DISC1: variants seen among roughly 807,000 people sequenced by gnomAD.
DISC1 encodes disrupted in schizophrenia 1 protein.
In DISC1, 57 loss-of-function variants were observed where a neutral mutation model predicts 84.5. The observed-to-expected ratio is 0.67, with a 90% CI of 0.55 to 0.84. The LOEUF (loss-of-function observed/expected upper bound fraction) is 0.84. Among genes scored for constraint, DISC1 ranks in the 40% least tolerant of loss-of-function variants. The pLI is 0.00. For synonymous variants in DISC1, 411 were observed against 415.2 expected, an observed-to-expected ratio of 0.99 and a Z score of 0.12; for missense variants, 1,000 against 1,057.8, an observed-to-expected ratio of 0.95 and a Z score of 0.76.
intron 9 of DISC1, chr1:231,854,659 A>AGTGT (rs1226302736): frequency 6.3e-6 from 1 of 158,890 alleles, no homozygotes; most frequent in East Asian, 1.8e-4. Flanking sequence ...TGTGGTGTGT[A>AGTGT]GTGTATCACC....
At chr1:231,863,261 G>T (rs2084810663) in intron 9 of DISC1, among the ~76,000 whole-genome samples, 1 of 108,724 alleles carries the variant, frequency 9.2e-6, no homozygotes, top group South Asian at 3.1e-4. Context: ...TTGAGACAGG[G>T]TCTCTGTCGC....
intron 1 of DISC1, among the ~76,000 whole-genome samples, chr1:231,635,534 C>T (rs571535375): frequency 1.3e-5 from 2 of 152,300 alleles, no homozygotes; most frequent in Admixed American, 1.3e-4. Flanking sequence ...CCAATGTAGA[C>T]TTCTTCAACT....
chr1:231,750,036 G>A lies in DISC1; in HGVS notation c.1228G>A (p.Ala410Thr). The A allele has an allele frequency of 6.2e-7, 1 of 1,614,194 alleles. No individual in the cohort carries two copies. Among genetic ancestry groups the A allele is most frequent in the Non-Finnish European group, 8.5e-7 (1 of 1,180,022 alleles). The change falls in exon 4 of 13, where the codon GCA becomes ACA. Residue 410 changes from alanine to threonine, a missense_variant. Coordinates refer to ENST00000439617, the MANE Select transcript of DISC1 (RefSeq NM_018662.3). ...ALSSFLGHLA[A>T]QVQAALRRGA... ...TAGCAGTTTCCTGGGTCACCTGGCAGCACAAGTCCAGGCTGCCTTGCGCCG... is the reference window on the plus strand; with the variant it reads ...TAGCAGTTTCCTGGGTCACCTGGCAACACAAGTCCAGGCTGCCTTGCGCCG...
At chr1:231,851,316 G>A (rs576814595) in intron 9 of DISC1, among the ~76,000 whole-genome samples, 24 of 152,228 alleles carry the variant, frequency 1.6e-4, no homozygotes, top group African/African-American at 5.5e-4. Context: ...GTAATTCGCC[G>A]CCTTTCTCTA....
intron 10 of DISC1, among the ~76,000 whole-genome samples, chr1:231,984,410 G>A (rs1201072708): frequency 1.3e-5 from 2 of 152,078 alleles, no homozygotes; most frequent in Non-Finnish European, 2.9e-5. Context: ...ACAGAAAAGA[G>A]GGGGAAAGTT....
At chr1:231,842,251 C>G (rs2125866150) in intron 9 of DISC1, among the ~76,000 whole-genome samples, 1 of 152,312 alleles carries the variant, frequency 6.6e-6, no homozygotes, top group Admixed American at 6.5e-5. Flanking sequence ...AATCCTCTCA[C>G]CAGTCCTCTC....
At chr1:231,833,063 G>A (rs2082359987) in intron 9 of DISC1, among the ~76,000 whole-genome samples, 1 of 145,676 alleles carries the variant, frequency 6.9e-6, no homozygotes, top group African/African-American at 2.6e-5. Context: ...TAAGGTGGGG[G>A]GATACAAGAG....
chr1:231,679,021 C>CAGG (rs1298605840), intron 1 of DISC1, among the ~76,000 whole-genome samples: 2 of 152,140 alleles, frequency 1.3e-5, no homozygotes, highest in African/African-American at 4.8e-5. Flanking sequence ...GGGATGCTGC[C>CAGG]ATTTGTTTTC....
intron 9 of DISC1, among the ~76,000 whole-genome samples, chr1:231,950,099 G>A (rs922602669): frequency 6.6e-6 from 1 of 152,052 alleles, no homozygotes; most frequent in African/African-American, 2.4e-5. Flanking sequence ...GTGGATTGGG[G>A]CTTGTTTTAA....
Position 231,958,777 on chromosome 1 carries a change from T to G in DISC1, c.1982-51T>G, listed in dbSNP as rs1211058737. On this transcript the variant is annotated intron_variant, in intron 9 of 12. Transcript: ENST00000439617. ...GAGCTTTTAGTTGAATGGTTTTTATTCAATTGTGACTGCAGTTGCATTAAC... is the reference window on the plus strand; with the variant it reads ...GAGCTTTTAGTTGAATGGTTTTTATGCAATTGTGACTGCAGTTGCATTAAC... 3.1e-5 allele frequency: 49 copies of G among 1,558,642 alleles called. No homozygotes were observed. The South Asian group carries it at 4.6e-4, about 15-fold the overall frequency.
chr1:231,817,513 G>C (rs771019534), intron 8 of DISC1, among the ~76,000 whole-genome samples: 2 of 152,202 alleles, frequency 1.3e-5, no homozygotes, highest in African/African-American at 4.8e-5. Context: ...TGAACTTCCA[G>C]TGTATGTATA....
At chr1:231,740,456 A>G (rs1347972640) in intron 3 of DISC1, among the ~76,000 whole-genome samples, 1 of 152,148 alleles carries the variant, frequency 6.6e-6, no homozygotes, top group Non-Finnish European at 1.5e-5. Context: ...CCTCCCCCAC[A>G]TGACTCAGGA....
chr1:231,863,516 C>T (rs1170901003), intron 9 of DISC1, among the ~76,000 whole-genome samples: 1 of 152,002 alleles, frequency 6.6e-6, no homozygotes, highest in Admixed American at 6.6e-5. Flanking sequence ...CATGCGTGAG[C>T]CACCGCGCCT....
chr1:231,945,202 A>G (rs1656918237), intron 9 of DISC1: 1 of 152,204 alleles, frequency 6.6e-6, no homozygotes, highest in South Asian at 2.1e-4. Context: ...AATTGACCAC[A>G]TAATTGGAAG....
intron 4 of DISC1, among the ~76,000 whole-genome samples, chr1:231,763,239 C>T (rs2075911943): frequency 6.6e-6 from 1 of 152,160 alleles, no homozygotes; most frequent in African/African-American, 2.4e-5. Flanking sequence ...ATGGGCTAGA[C>T]CCTGACCCAC....
At chr1:231,972,415 G>A (rs1324934269) in intron 10 of DISC1, among the ~76,000 whole-genome samples, 3 of 152,198 alleles carry the variant, frequency 2.0e-5, no homozygotes, top group Non-Finnish European at 4.4e-5. Flanking sequence ...AACTGGAAGA[G>A]TTTAGTCAAG....
intron 10 of DISC1, among the ~76,000 whole-genome samples, chr1:231,970,978 G>GT (rs1409424378): frequency 1.3e-5 from 2 of 152,234 alleles, no homozygotes; most frequent in African/African-American, 4.8e-5. Flanking sequence ...TCTTGTGTAG[G>GT]TTATATCCAT....
intron 9 of DISC1, among the ~76,000 whole-genome samples, chr1:231,885,508 G>C (rs2086618430): frequency 6.6e-6 from 1 of 152,190 alleles, no homozygotes; most frequent in Non-Finnish European, 1.5e-5. Context: ...GCCCGATGTA[G>C]CCTGTTCGAA....
At chr1:231,941,575 C>G (rs186045101) in intron 9 of DISC1, among the ~76,000 whole-genome samples, 2 of 150,764 alleles carry the variant, frequency 1.3e-5, no homozygotes, top group African/African-American at 4.9e-5. Context: ...TGGGTTCAAG[C>G]GATTCTCCTG....
Sources: gnomAD v4.1 joint callset for allele counts (sites outside exome capture counted in the v4.1 genomes callset) on GRCh38, gnomAD v4.1.1 for gene constraint, MANE v1.5 for transcripts, NCBI Gene and HGNC (gene_info 2026-07-23, HGNC 2026-07-21) for gene names.